The following CPNE4 variants were observed in gnomAD, a reference collection of about 807,000 sequenced individuals.
The protein encoded by CPNE4 is copine 4.
CPNE4 carries 25 observed loss-of-function variants against 67.9 expected under a neutral mutation model. The ratio of observed to expected loss-of-function variants is 0.37; its 90% CI spans 0.27 to 0.51. The LOEUF is 0.51. Among genes scored for constraint, CPNE4 ranks in the 20% least tolerant of loss-of-function variants. CPNE4 has a pLI of 0.93. For missense variants in CPNE4, 464 were observed against 690.8 expected (o/e 0.67, Z 3.68); for synonymous variants, 242 against 244.9 (o/e 0.99, Z 0.11).
chr3:131,691,494 G>A (rs560556541), intron 5 of CPNE4, among the ~76,000 whole-genome samples: 3 of 152,038 alleles, frequency 2.0e-5, no homozygotes, highest in East Asian at 1.9e-4. Context: ...CTAAACATTG[G>A]GTACACATGG....
At chr3:131,618,104 GAT>G (rs1940262863) in intron 7 of CPNE4, among the ~76,000 whole-genome samples, 1 of 152,156 alleles carries the variant, frequency 6.6e-6, no homozygotes, top group African/African-American at 2.4e-5. Context: ...CTGGGTATAA[GAT>G]AACTACTGGA....
intron 1 of CPNE4, among the ~76,000 whole-genome samples, chr3:131,966,785 G>T (rs1219805603): frequency 6.6e-6 from 1 of 152,082 alleles, no homozygotes; most frequent in African/African-American, 2.4e-5. Flanking sequence ...ATTCACAGCT[G>T]GACTCTACCA....
At chr3:131,717,894 CT>C (rs765216373) in intron 3 of CPNE4, among the ~76,000 whole-genome samples, 1 of 88,094 alleles carries the variant, frequency 1.1e-5, no homozygotes, top group African/African-American at 3.5e-5. Context: ...TTCTTTCTTT[CT>C]TTCTTTCTTT....
chr3:131,821,748 C>G (rs977256242), intron 2 of CPNE4, among the ~76,000 whole-genome samples: 3 of 152,180 alleles, frequency 2.0e-5, no homozygotes, highest in African/African-American at 7.2e-5. Flanking sequence ...GCAGTTTACT[C>G]ATTTATTCTT....
At chr3:131,750,704 G>C (rs893574753) in intron 2 of CPNE4, among the ~76,000 whole-genome samples, 6 of 152,066 alleles carry the variant, frequency 3.9e-5, no homozygotes, top group African/African-American at 1.4e-4. Flanking sequence ...TTCAGGAGGA[G>C]AAAAAATGCC....
intron 7 of CPNE4, among the ~76,000 whole-genome samples, chr3:131,627,165 C>A (rs1206486681): frequency 2.5e-5 from 3 of 119,724 alleles, no homozygotes; most frequent in Admixed American, 1.6e-4. Flanking sequence ...TGCACTCCAG[C>A]CTGGGTAGAC....
At chr3:131,649,283 C>T (rs1201830719) in intron 7 of CPNE4, among the ~76,000 whole-genome samples, 1 of 152,150 alleles carries the variant, frequency 6.6e-6, no homozygotes. Context: ...AGATTCTTCT[C>T]GTGTGTAAGT....
chr3:131,790,027 G>A (rs1416509872), intron 2 of CPNE4, among the ~76,000 whole-genome samples: 1 of 152,078 alleles, frequency 6.6e-6, no homozygotes, highest in Non-Finnish European at 1.5e-5. Context: ...GTGGACATTG[G>A]ATGACAAGAA....
At chr3:131,619,990 A>G (rs553943256) in intron 7 of CPNE4, among the ~76,000 whole-genome samples, 1 of 152,272 alleles carries the variant, frequency 6.6e-6, no homozygotes, top group African/African-American at 2.4e-5. Flanking sequence ...TTTCTGTCTG[A>G]AGTTTTGTAA....
At chr3:131,537,573 G>A (rs60722965) in intron 15 of CPNE4, 11 of 257,350 alleles carry the variant, frequency 4.3e-5, no homozygotes, top group East Asian at 1.4e-4. Flanking sequence ...GTGAGCCACC[G>A]CACCCAGCCC....
intron 7 of CPNE4, among the ~76,000 whole-genome samples, chr3:131,598,558 T>A (rs1263190572): frequency 6.6e-6 from 1 of 152,178 alleles, no homozygotes; most frequent in African/African-American, 2.4e-5. Flanking sequence ...TTATAGATGA[T>A]GATCCCGAAA....
chr3:131,882,722 T>A (rs1454491872), intron 2 of CPNE4, among the ~76,000 whole-genome samples: 5 of 117,106 alleles, frequency 4.3e-5, no homozygotes, highest in African/African-American at 1.6e-4. Context: ...AGTTCTGCTC[T>A]ATTTTTTTTT....
intron 1 of CPNE4, among the ~76,000 whole-genome samples, chr3:132,000,011 T>A (rs1411093131): frequency 6.6e-6 from 1 of 151,332 alleles, no homozygotes; most frequent in East Asian, 1.9e-4. Context: ...AGCAACAACA[T>A]TCAATGTACA....
upstream of CPNE4, chr3:132,037,456 A>G (rs139481358): frequency 3.0e-4 from 253 of 845,586 alleles, 1 homozygote; most frequent in East Asian, 6.5e-3. Flanking sequence ...TAACCAGCTA[A>G]TAATCCATGT....
At chr3:131,671,459 A>G (rs9813677) in intron 6 of CPNE4, among the ~76,000 whole-genome samples, 28,019 of 131,868 alleles carry the variant, frequency 0.21, 5,429 homozygotes, top group African/African-American at 0.49. Context: ...GAGTGTACAC[A>G]TGTGTGTGTG....
chr3:131,603,718 G>A (rs1939338632), intron 7 of CPNE4, among the ~76,000 whole-genome samples: 1 of 152,142 alleles, frequency 6.6e-6, no homozygotes, highest in South Asian at 2.1e-4. Flanking sequence ...TCTCACATTG[G>A]AGAGACACCA....
chr3:131,801,402 A>ATATG (rs71622077), intron 2 of CPNE4, among the ~76,000 whole-genome samples: 3 of 113,950 alleles, frequency 2.6e-5, no homozygotes, highest in Admixed American at 9.2e-5. Context: ...ATATATATAT[A>ATATG]GGTACATATA....
intron 2 of CPNE4, among the ~76,000 whole-genome samples, chr3:131,728,920 A>T (rs918130424): frequency 1.3e-5 from 2 of 151,494 alleles, no homozygotes; most frequent in Non-Finnish European, 2.9e-5. Flanking sequence ...AAAAAAAAAA[A>T]AAAATTGGCT....
At chr3:131,557,890 T>C (rs1272241316) in intron 11 of CPNE4, among the ~76,000 whole-genome samples, 3 of 151,952 alleles carry the variant, frequency 2.0e-5, no homozygotes, top group Admixed American at 2.0e-4. Context: ...ATCCTGGTCC[T>C]TCACACTCGA....
Sources: allele counts gnomAD v4.1 joint callset (sites outside exome capture counted in the v4.1 genomes callset), GRCh38; gene constraint gnomAD v4.1.1; transcripts MANE v1.5; gene names NCBI Gene and HGNC (gene_info 2026-07-23, HGNC 2026-07-21).